The following ATG13 variants were observed in gnomAD, a reference collection of about 807,000 sequenced individuals.
ATG13 encodes the protein autophagy related 13.
A neutral mutation model predicts 65.5 loss-of-function variants in ATG13; 23 were observed. The observed-to-expected ratio is 0.35, with a 90% CI of 0.25 to 0.50. The LOEUF (loss-of-function observed/expected upper bound fraction) is 0.50. Among genes scored for constraint, ATG13 ranks in the 20% least tolerant of loss-of-function variants. The pLI, the probability that ATG13 is intolerant of heterozygous loss-of-function variation, is 0.98. For missense variants in ATG13, 566 were observed against 677.0 expected (o/e 0.84, Z 1.82); for synonymous variants, 252 against 245.2 (o/e 1.03, Z -0.26).
At position 46,638,164 on chromosome 11, in the gene ATG13, C is replaced by T. The variant is rs887901817; in HGVS notation, c.-13-6115C>T. 1.2e-4 allele frequency among the ~76,000 whole-genome samples: 18 copies of T among 152,160 alleles called. No homozygotes were observed. The South Asian group carries it at 2.5e-3, about 21-fold the overall frequency. On this transcript the variant is annotated intron_variant, in intron 2 of 18. Coordinates refer to ENST00000683050, the MANE Select transcript of ATG13 (RefSeq NM_001346311.2). ...TAAAAACCTCTTTTTTGACTGGGCA[C>T]GGTGGCTCATGTCTGTAATCCCAGA...
chr11:46,640,438 A>G (rs1757352821), intron 2 of ATG13, among the ~76,000 whole-genome samples: 1 of 152,244 alleles, frequency 6.6e-6, no homozygotes, highest in South Asian at 2.1e-4. Flanking sequence ...ACTTGTATCC[A>G]GAATATATGT....
Position 46,672,649 on chromosome 11 carries a change from T to G in ATG13, c.*317T>G. The stretch of plus-strand genomic sequence containing the variant: ...ACTGCTTCCCAAGGGTGTCATCCTG[T>G]TCCTCCTGCTGCCGGCCTCCTGCCT... On this transcript the variant is annotated 3_prime_UTR_variant, in exon 19 of 19. Transcript: ENST00000683050. 7.2e-7 allele frequency: 1 copy of G among 1,384,716 alleles called. No homozygotes were observed. Among genetic ancestry groups the G allele is most frequent in the Non-Finnish European group, 9.6e-7 (1 of 1,044,916 alleles). 85.8% of individuals were successfully genotyped at this position (1,384,716 alleles called of 1,614,324 possible).
intron 6 of ATG13, 94 bp downstream of exon 6, chr11:46,649,277 G>A (rs2058417667): frequency 7.0e-7 from 1 of 1,422,150 alleles, no homozygotes; most frequent in African/African-American, 1.4e-5. Flanking sequence ...CAGAGTCAGG[G>A]AGGGCATTCT....
chr11:46,665,797 C>CTTTTTTTTTTTTT (rs1159523560), intron 14 of ATG13, among the ~76,000 whole-genome samples: 3 of 87,776 alleles, frequency 3.4e-5, no homozygotes, highest in Non-Finnish European at 6.2e-5. Flanking sequence ...TTTATTTTTC[C>CTTTTTTTTTTTTT]TTTTTTTTTT....
chr11:46,656,316 TCCTAA>T (rs772622681), intron 8 of ATG13, 43 bp downstream of exon 8: 1 of 1,551,072 alleles, frequency 6.4e-7, no homozygotes, highest in South Asian at 1.1e-5. Flanking sequence ...TTCAGAGCTC[TCCTAA>T]CTTCAGAGAT....
intron 7 of ATG13, among the ~76,000 whole-genome samples, chr11:46,654,069 G>A (rs903912350): frequency 2.7e-5 from 4 of 148,720 alleles, no homozygotes; most frequent in African/African-American, 9.9e-5. Flanking sequence ...TTTTTTTTCA[G>A]AATAGTCTTA....
At chr11:46,643,551 C>T (rs190114037) in intron 2 of ATG13, among the ~76,000 whole-genome samples, 3 of 151,520 alleles carry the variant, frequency 2.0e-5, no homozygotes, top group East Asian at 1.9e-4. Context: ...TGTTCATGCT[C>T]GTCTCTCTCT....
intron 1 of ATG13, among the ~76,000 whole-genome samples, chr11:46,625,745 C>G (rs1219791889): frequency 6.6e-6 from 1 of 152,040 alleles, no homozygotes; most frequent in Admixed American, 6.6e-5. Context: ...GTGAAAGGGT[C>G]CATTTAGGTG....
intron 5 of ATG13, among the ~76,000 whole-genome samples, chr11:46,648,562 A>G (rs2058214983): frequency 6.6e-6 from 1 of 152,058 alleles, no homozygotes; most frequent in African/African-American, 2.4e-5. Flanking sequence ...GCAGATCACC[A>G]GGTCAGGAGA....
chr11:46,645,755 T>C, intron 4 of ATG13, 115 bp from the exon 5 acceptor site: 1 of 1,408,914 alleles, frequency 7.1e-7, no homozygotes, highest in Non-Finnish European at 9.7e-7. Context: ...GAGAAGTGAA[T>C]GAATTGTCTT....
intron 1 of ATG13, among the ~76,000 whole-genome samples, chr11:46,620,251 G>A (rs370183237): frequency 5.0e-4 from 75 of 150,310 alleles, no homozygotes; most frequent in African/African-American, 1.6e-3. Context: ...CCGCCACCAC[G>A]CCTGGCTAAG....
chr11:46,667,694 C>A, intron 14 of ATG13, 79 bp from the exon 15 acceptor site: 1 of 1,129,176 alleles, frequency 8.9e-7, no homozygotes, highest in Non-Finnish European at 1.3e-6. Context: ...CACAGCCCCA[C>A]CAGATGGTGT....
intron 2 of ATG13, among the ~76,000 whole-genome samples, chr11:46,643,630 T>A (rs992199566): frequency 2.0e-5 from 3 of 150,722 alleles, no homozygotes; most frequent in African/African-American, 4.9e-5. Flanking sequence ...TTTTTTTTTT[T>A]AAATGAGACC....
chr11:46,646,844 C>T (rs1002476471), intron 5 of ATG13, among the ~76,000 whole-genome samples: 1 of 152,048 alleles, frequency 6.6e-6, no homozygotes, highest in Non-Finnish European at 1.5e-5. Context: ...ATTGCAGCCT[C>T]GACCTCCTAG....
intron 2 of ATG13, 88 bp from the exon 3 acceptor site, chr11:46,644,191 C>G: frequency 1.0e-6 from 1 of 1,004,334 alleles, no homozygotes; most frequent in African/African-American, 1.7e-5. Context: ...TATTCCTAGG[C>G]TAGTAGACAA....
At chr11:46,669,584 C>T (rs2063229246) in intron 18 of ATG13, 52 bp downstream of exon 18, 6 of 1,602,450 alleles carry the variant, frequency 3.7e-6, no homozygotes, top group Non-Finnish European at 5.1e-6. Flanking sequence ...ATGGTCATTC[C>T]TTTGCCAAAG....
At chr11:46,667,643 TC>T (rs2062656692) in intron 14 of ATG13, 129 bp from the exon 15 acceptor site, 6 of 557,682 alleles carry the variant, frequency 1.1e-5, no homozygotes, top group Non-Finnish European at 1.9e-5. Flanking sequence ...TAATGCCATC[TC>T]CCATTGATGG....
chr11:46,671,386 T>C (rs533156944), intron 18 of ATG13, among the ~76,000 whole-genome samples: 1 of 152,344 alleles, frequency 6.6e-6, no homozygotes, highest in South Asian at 2.1e-4. Flanking sequence ...TTCCTCTGCT[T>C]CTGTCTTTAC....
intron 7 of ATG13, among the ~76,000 whole-genome samples, chr11:46,652,208 A>G (rs563122844): frequency 4.3e-4 from 65 of 152,120 alleles, no homozygotes; most frequent in Middle Eastern, 6.8e-3. Flanking sequence ...AGATCACACC[A>G]CTGCACTCCA....
Sources: allele counts gnomAD v4.1 joint callset (sites outside exome capture counted in the v4.1 genomes callset), GRCh38; gene constraint gnomAD v4.1.1; transcripts MANE v1.5; gene names NCBI Gene and HGNC (gene_info 2026-07-23, HGNC 2026-07-21).